Variants in NALF1 observed in about 807,000 individuals in gnomAD.
The protein encoded by NALF1 is family with sequence similarity 155 member A.
A neutral mutation model predicts 48.4 loss-of-function variants in NALF1; 3 were observed. That is an observed-to-expected ratio of 0.06 (90% CI 0.03 to 0.16). NALF1 has a LOEUF of 0.16. Among genes scored for constraint, NALF1 ranks in the 10% least tolerant of loss-of-function variants. The probability of loss-of-function intolerance (pLI) is 1.00; values close to 1 mark genes in which losing one functional copy is unlikely to be tolerated. For synonymous variants in NALF1, 262 were observed against 245.7 expected (o/e 1.07, Z -0.62); for missense variants, 526 against 571.5 (o/e 0.92, Z 0.81).
At chr13:107,289,058 G>A (rs962509758) in intron 1 of NALF1, among the ~76,000 whole-genome samples, 1 of 152,168 alleles carries the variant, frequency 6.6e-6, no homozygotes, top group Admixed American at 6.5e-5. Flanking sequence ...TTCATTAGCT[G>A]TTCATAAATC....
chr13:107,797,781 A>G (rs920880543), intron 1 of NALF1, among the ~76,000 whole-genome samples: 5 of 150,778 alleles, frequency 3.3e-5, no homozygotes, highest in Admixed American at 6.6e-5. Flanking sequence ...AAAAAGAATA[A>G]AAGTAAAAAA....
intron 1 of NALF1, among the ~76,000 whole-genome samples, chr13:107,789,923 T>C (rs181554588): frequency 1.3e-5 from 2 of 152,342 alleles, no homozygotes; most frequent in African/African-American, 4.8e-5. Flanking sequence ...ACTAAACTTT[T>C]GTTTAGGAAA....
Position 107,210,684 on chromosome 13 carries a change from A to T in NALF1, c.987T>A (p.Pro329=), listed in dbSNP as rs147212926. Residue 329 remains proline, a synonymous_variant, in exon 2 of 3, where the codon CCT becomes CCA. Transcript: ENST00000375915. ...VTQFNCRKTI[P]CKQYCLEVQT... is the part of the protein sequence containing the mutation. ...GAACCTCCAAACAGTATTGCTTGCA[A>T]GGAATTGTCTTTCTGCAGTTAAACT... is the stretch of plus-strand genomic sequence containing the variant. 3,016 of 1,611,954 alleles carry T rather than the reference A, an allele frequency of 1.9e-3. 46 individuals are homozygous for T. The African/African-American group carries it at 0.035, about 19-fold the overall frequency.
At chr13:107,569,506 C>T (rs1227484870) in intron 1 of NALF1, among the ~76,000 whole-genome samples, 1 of 151,994 alleles carries the variant, frequency 6.6e-6, no homozygotes, top group African/African-American at 2.4e-5. Flanking sequence ...ACCCCTCATC[C>T]ACCGAATTAG....
intron 1 of NALF1, among the ~76,000 whole-genome samples, chr13:107,507,853 G>C (rs1159005533): frequency 6.6e-6 from 1 of 152,104 alleles, no homozygotes; most frequent in Non-Finnish European, 1.5e-5. Context: ...GCATTAAGTA[G>C]AAGACTAAAT....
chr13:107,304,980 G>T (rs1448083530), intron 1 of NALF1, among the ~76,000 whole-genome samples: 1 of 152,174 alleles, frequency 6.6e-6, no homozygotes, highest in Non-Finnish European at 1.5e-5. Flanking sequence ...ACCAAATGAG[G>T]TTTTTCAGTA....
intron 1 of NALF1, among the ~76,000 whole-genome samples, chr13:107,850,400 A>G (rs1880276516): frequency 6.6e-6 from 1 of 152,262 alleles, no homozygotes; most frequent in Admixed American, 6.5e-5. Flanking sequence ...AAATCAGATG[A>G]CAAAAGCAGT....
chr13:107,836,947 T>C (rs1203621336), intron 1 of NALF1, among the ~76,000 whole-genome samples: 3 of 152,178 alleles, frequency 2.0e-5, no homozygotes, highest in Non-Finnish European at 1.5e-5. Context: ...CCAGTTCAAG[T>C]TCTGATTTAC....
chr13:107,276,715 C>T (rs534777646), intron 1 of NALF1, among the ~76,000 whole-genome samples: 4 of 152,204 alleles, frequency 2.6e-5, no homozygotes, highest in South Asian at 4.2e-4. Flanking sequence ...TAGTTGCAGA[C>T]TTCCCATCTG....
At chr13:107,591,008 A>G (rs1878587979) in intron 1 of NALF1, among the ~76,000 whole-genome samples, 1 of 152,032 alleles carries the variant, frequency 6.6e-6, no homozygotes. Context: ...GTTTATAAAG[A>G]CTGTTATAAA....
chr13:107,625,277 T>C lies in NALF1; in HGVS notation c.915+240405A>G, dbSNP rs1042715755. 1.1e-4 allele frequency among the ~76,000 whole-genome samples: 17 copies of C among 152,132 alleles called. 1 individual carries two copies. The highest frequency in any genetic ancestry group is 1.5e-5 in the Non-Finnish European group (1 of 68,008). On this transcript the variant is annotated intron_variant, in intron 1 of 2. Coordinates refer to ENST00000375915, the MANE Select transcript of NALF1 (RefSeq NM_001080396.3). The stretch of plus-strand genomic sequence containing the variant: ...AACAATGAAATGTGGTTCAATGTTT[T>C]TGATAAAAGGGGCTAAACGAAAAGC...
chr13:107,541,895 C>G (rs1208824426), intron 1 of NALF1, among the ~76,000 whole-genome samples: 6 of 151,882 alleles, frequency 4.0e-5, no homozygotes, highest in Non-Finnish European at 8.8e-5. Flanking sequence ...TATACTTTGC[C>G]AAGAAGTCCA....
chr13:107,260,061 T>G (rs1173600593), intron 1 of NALF1, among the ~76,000 whole-genome samples: 3 of 152,194 alleles, frequency 2.0e-5, no homozygotes, highest in Non-Finnish European at 4.4e-5. Flanking sequence ...GAAAGTTTAA[T>G]CAAGAATATA....
At chr13:107,425,257 C>G (rs1466077748) in intron 1 of NALF1, among the ~76,000 whole-genome samples, 1 of 152,038 alleles carries the variant, frequency 6.6e-6, no homozygotes, top group Non-Finnish European at 1.5e-5. Flanking sequence ...ATATGTTCTT[C>G]CTGTTAGTAA....
chr13:107,763,316 A>G (rs1877319390), intron 1 of NALF1, among the ~76,000 whole-genome samples: 2 of 152,102 alleles, frequency 1.3e-5, no homozygotes, highest in Non-Finnish European at 2.9e-5. Flanking sequence ...AGTAAATTAA[A>G]TATCACTAGA....
chr13:107,432,366 T>G (rs1044727296), intron 1 of NALF1, among the ~76,000 whole-genome samples: 2 of 152,122 alleles, frequency 1.3e-5, no homozygotes, highest in Middle Eastern at 3.2e-3. Flanking sequence ...CCAAACTATA[T>G]TACTATCATC....
intron 1 of NALF1, among the ~76,000 whole-genome samples, chr13:107,460,993 C>T (rs556703557): frequency 1.3e-5 from 2 of 152,254 alleles, no homozygotes; most frequent in East Asian, 3.9e-4. Flanking sequence ...TAATACTTCA[C>T]TGTGGGACCT....
At position 107,525,782 on chromosome 13, in the gene NALF1, C is replaced by A. The variant is rs141114255; in HGVS notation, c.916-315027G>T. Among the ~76,000 whole-genome samples, 445 of 152,138 alleles carry A rather than the reference C, an allele frequency of 2.9e-3. 1 individual carries two copies. Among genetic ancestry groups the A allele is most frequent in the Non-Finnish European group, 5.1e-3 (344 of 67,964 alleles). ...ATCTAATGCTCTGCACATTTACCAG[C>A]CCTTGGTATTGTCTATATTTAAGTG... On this transcript the variant is annotated intron_variant, in intron 1 of 2. Coordinates refer to ENST00000375915, the MANE Select transcript of NALF1 (RefSeq NM_001080396.3).
At chr13:107,728,407 T>G (rs1307286308) in intron 1 of NALF1, among the ~76,000 whole-genome samples, 1 of 152,130 alleles carries the variant, frequency 6.6e-6, no homozygotes, top group East Asian at 1.9e-4. Flanking sequence ...CTGGAAACCA[T>G]CATTCTCAGC....
Sources: allele counts gnomAD v4.1 joint callset (sites outside exome capture counted in the v4.1 genomes callset), GRCh38; gene constraint gnomAD v4.1.1; transcripts MANE v1.5; gene names NCBI Gene and HGNC (gene_info 2026-07-23, HGNC 2026-07-21).